Variants in VWF observed in about 807,000 individuals in gnomAD.
VWF encodes the protein von Willebrand factor, also known as Factor VIII related antigen.
Under a neutral mutation model 308.6 loss-of-function variants are expected in VWF, and 176 were observed. That is an observed-to-expected ratio of 0.57 (90% CI 0.50 to 0.65). The LOEUF (loss-of-function observed/expected upper bound fraction) is 0.65. Ranked by LOEUF, VWF falls within the 30% of genes least tolerant of loss-of-function variation. The probability of loss-of-function intolerance (pLI) is 0.00; values close to 1 mark genes in which losing one functional copy is unlikely to be tolerated. For missense variants in VWF, 3,146 were observed against 3,648.2 expected, an observed-to-expected ratio of 0.86 and a Z score of 3.55; for synonymous variants, 1,385 against 1,443.4, an observed-to-expected ratio of 0.96 and a Z score of 0.92.
In VWF at chr12:6,024,201, C is replaced by G. The variant is rs1944165654; in HGVS notation, c.3223-414G>C. Among the ~76,000 whole-genome samples the G allele has an allele frequency of 6.6e-6, 1 of 152,188 alleles. No homozygotes were observed. The highest frequency in any genetic ancestry group is 1.5e-5 in the Non-Finnish European group (1 of 68,040). ...ACTGTCTTTCTTTGCCTCAATTCAG[C>G]AAAGAGAATGGGGAAATACATCAGG... On this transcript the variant is annotated intron_variant, in intron 24 of 51. Coordinates refer to ENST00000261405, the MANE Select transcript of VWF (RefSeq NM_000552.5). The surrounding 1 kb of genome is among the most constrained non-coding windows in gnomAD (Gnocchi z 4.0).
At chr12:5,986,054 G>A (rs1456985342) in intron 38 of VWF, among the ~76,000 whole-genome samples, 1 of 152,224 alleles carries the variant, frequency 6.6e-6, no homozygotes, top group Non-Finnish European at 1.5e-5. Flanking sequence ...AGACAATAGG[G>A]TAGGAAGAGC....
chr12:6,088,494 C>CGAGA (rs72322913), intron 6 of VWF, among the ~76,000 whole-genome samples: 1 of 137,330 alleles, frequency 7.3e-6, no homozygotes, highest in Non-Finnish European at 1.6e-5. Flanking sequence ...AAAAAAAAAG[C>CGAGA]GAGAGAGAGA....
chr12:5,984,916 G>A lies in VWF; in HGVS notation c.6976+129C>T, dbSNP rs24177. On this transcript the variant is annotated intron_variant, in intron 40 of 51. Coordinates refer to ENST00000261405, the MANE Select transcript of VWF (RefSeq NM_000552.5). ...CCTTTCCACTTTTTTGGAGTATCCA[G>A]TCGGTCCTTACCCACCTCCTTTCAC... 306,132 of 969,222 alleles carry A rather than the reference G, an allele frequency of 0.32. 52,088 individuals carry two copies. Among genetic ancestry groups the A allele is most frequent in the East Asian group, 0.57 (23,684 of 41,334 alleles). 60.0% of individuals were successfully genotyped at this position (969,222 alleles called of 1,614,324 possible).
intron 4 of VWF, 141 bp from the exon 5 acceptor site, chr12:6,110,723 A>G (rs1945299028): frequency 4.7e-6 from 6 of 1,277,678 alleles, no homozygotes; most frequent in Non-Finnish European, 6.8e-6. Context: ...CAATCGGGAG[A>G]GCTGGCTCTC....
chr12:6,086,361 T>C (rs2239147), intron 6 of VWF, among the ~76,000 whole-genome samples: 26,033 of 152,072 alleles, frequency 0.17, 2,657 homozygotes, highest in East Asian at 0.45. Flanking sequence ...GCTCTGAGCT[T>C]GGTGTCACTG....
chr12:6,049,376 CA>C (rs931546426), intron 16 of VWF, among the ~76,000 whole-genome samples: 10 of 152,118 alleles, frequency 6.6e-5, no homozygotes, highest in African/African-American at 2.4e-4. Flanking sequence ...AAAAAGAGCC[CA>C]AAGCCAGGGT....
At chr12:5,966,091 T>G (rs1565811941) in intron 47 of VWF, among the ~76,000 whole-genome samples, 1 of 152,090 alleles carries the variant, frequency 6.6e-6, no homozygotes, top group Non-Finnish European at 1.5e-5. Flanking sequence ...GGGCCTGCCC[T>G]CCAGAGAGCA....
rs940748585 is a variant in VWF, at chr12:6,110,445, T to C, written c.461A>G (p.Tyr154Cys). 1.2e-6 allele frequency: 2 copies of C among 1,614,086 alleles called. No homozygotes were observed. The highest frequency in any genetic ancestry group is 1.7e-6 in the Non-Finnish European group (2 of 1,180,058). The change falls in exon 5 of 52, where the codon TAC becomes TGC. Residue 154 changes from tyrosine to cysteine, a missense_variant. Physicochemically the swap from Tyr to Cys is radical, Grantham distance 194. This residue lies in a region of VWF where 1,304 missense variants were observed against 1,353.0 expected (regional missense o/e 0.96). Coordinates refer to ENST00000261405, the MANE Select transcript of VWF (RefSeq NM_000552.5). ...GNFQVLLSDR[Y>C]FNKTCGLCGN... ...ACACAGCCCGCAGGTCTTGTTGAAG[T>C]ATCTGTCTGACAGCAGGACTTGAAA...
At chr12:6,036,061 G>A (rs1228616131) in intron 19 of VWF, among the ~76,000 whole-genome samples, 7 of 152,152 alleles carry the variant, frequency 4.6e-5, no homozygotes, top group Non-Finnish European at 1.0e-4. Flanking sequence ...TTAGATTTAG[G>A]TCCCATCCCT....
chr12:6,067,025 A>G (rs577494211), intron 10 of VWF, among the ~76,000 whole-genome samples: 1 of 152,300 alleles, frequency 6.6e-6, no homozygotes, highest in South Asian at 2.1e-4. Flanking sequence ...AATTAGGAGA[A>G]AGTGGAAAGG....
At chr12:5,994,250 G>A (rs769985279) in intron 36 of VWF, 47 bp from the exon 37 acceptor site, 33 of 1,608,876 alleles carry the variant, frequency 2.1e-5, no homozygotes, top group Non-Finnish European at 2.6e-5. Flanking sequence ...GTGGCCCTGG[G>A]TACAAAAACA....
In VWF at chr12:5,985,678, C is replaced by A. The variant is rs764580600; in HGVS notation, c.6799-13G>T. ...AGGCTTCCAGGAACTGAGGGCAAAG[C>A]GAGGTTCAGAAAGGGCACAGGACAT... On this transcript the variant is annotated splice_polypyrimidine_tract_variant and intron_variant, in intron 38 of 51. Transcript: ENST00000261405. The A allele has an allele frequency of 6.2e-7, 1 of 1,612,854 alleles. No homozygotes were observed. Among genetic ancestry groups the A allele is most frequent in the Non-Finnish European group, 8.5e-7 (1 of 1,179,014 alleles).
intron 35 of VWF, 110 bp from the exon 36 acceptor site, chr12:5,994,717 A>T (rs1591849017): frequency 2.2e-6 from 2 of 924,128 alleles, no homozygotes; most frequent in East Asian, 4.9e-5. Context: ...CTGCAACATC[A>T]GCCACAAACC....
intron 38 of VWF, among the ~76,000 whole-genome samples, chr12:5,990,733 C>A (rs1225526940): frequency 6.6e-6 from 1 of 151,922 alleles, no homozygotes; most frequent in Non-Finnish European, 1.5e-5. Context: ...TTCACATGTG[C>A]ACAGACACAC....
At position 6,024,789 on chromosome 12, in the gene VWF, C is replaced by T. The variant is rs1944171371; in HGVS notation, c.3222+791G>A. Among the ~76,000 whole-genome samples the T allele has an allele frequency of 6.6e-6, 1 of 152,136 alleles. No homozygotes were observed. The highest frequency in any genetic ancestry group is 2.4e-5 in the African/African-American group (1 of 41,426). On this transcript the variant is annotated intron_variant, in intron 24 of 51. Transcript: ENST00000261405. The surrounding 1 kb of genome is among the most constrained non-coding windows in gnomAD (Gnocchi z 4.0). ...CTGTAATCCCAGCACTTTGGGAGGC[C>T]GAGGTGGGTAGATCACCTGAGTCAG...
chr12:6,025,327 T>C (rs749237788), intron 24 of VWF, among the ~76,000 whole-genome samples: 15 of 152,212 alleles, frequency 9.9e-5, no homozygotes, highest in Non-Finnish European at 2.9e-5. Flanking sequence ...AAGAGAAGCA[T>C]TGGCACATGC....
intron 20 of VWF, among the ~76,000 whole-genome samples, chr12:6,033,640 G>T (rs544252162): frequency 1.8e-4 from 27 of 152,392 alleles, no homozygotes; most frequent in African/African-American, 5.5e-4. Flanking sequence ...TGCCTGGTCT[G>T]CATGCCCTGT....
chr12:6,060,917 C>T lies in VWF; in HGVS notation c.1533+2037G>A, dbSNP rs1461576763. On this transcript the variant is annotated intron_variant, in intron 13 of 51. Coordinates refer to ENST00000261405, the MANE Select transcript of VWF (RefSeq NM_000552.5). The surrounding 1 kb of genome is among the most constrained non-coding windows in gnomAD (Gnocchi z 5.1). Reference sequence around the variant, plus strand: ...GGAAGATGCTGAGAAAGTGGACTGGCTGGCCGGGCGTGGTGGCTCATGCCC... The same window carrying T: ...GGAAGATGCTGAGAAAGTGGACTGGTTGGCCGGGCGTGGTGGCTCATGCCC... Among the ~76,000 whole-genome samples, 2 of 152,152 alleles carry T rather than the reference C, an allele frequency of 1.3e-5. No homozygotes were observed. Among genetic ancestry groups the T allele is most frequent in the Non-Finnish European group, 2.9e-5 (2 of 68,022 alleles).
At chr12:6,031,651 C>G in intron 20 of VWF, 73 bp from the exon 21 acceptor site, 1 of 1,610,698 alleles carries the variant, frequency 6.2e-7, no homozygotes, top group Admixed American at 1.7e-5. Context: ...ATTGGCATCT[C>G]TTCATCACAG....
Sources: gnomAD v4.1 joint callset for allele counts (sites outside exome capture counted in the v4.1 genomes callset) on GRCh38, gnomAD v4.1.1 for gene constraint, gnomAD v4.1.1 regional missense constraint, Gnocchi (gnomAD v3.1) non-coding constraint, MANE v1.5 for transcripts, NCBI Gene and HGNC (gene_info 2026-07-23, HGNC 2026-07-21) for gene names.